Variants in ZNF107 observed in about 807,000 individuals in gnomAD.
ZNF107 encodes the protein zinc finger protein 107, also known as C2H2 type zinc-finger protein.
Under a neutral mutation model 12.3 loss-of-function variants are expected in ZNF107, and 19 were observed. That is an observed-to-expected ratio of 1.55 (90% confidence interval 1.08 to 2.27). The LOEUF (loss-of-function observed/expected upper bound fraction) is 2.27, where lower values mean the gene tolerates loss of function less well. Among genes scored for constraint, ZNF107 ranks in the 30% most tolerant of loss-of-function variants. The pLI, the probability that ZNF107 is intolerant of heterozygous loss-of-function variation, is 0.00. For synonymous variants in ZNF107, 317 were observed against 330.5 expected, an observed-to-expected ratio of 0.96 and a Z score of 0.44; for missense variants, 958 against 979.9, an observed-to-expected ratio of 0.98 and a Z score of 0.30.
chr7:64,704,589 A>G (rs1253541920), intron 3 of ZNF107, among the ~76,000 whole-genome samples: 3 of 152,154 alleles, frequency 2.0e-5, no homozygotes, highest in Non-Finnish European at 4.4e-5. Context: ...TTCTTGCATC[A>G]TGTTATTTTC....
Position 64,710,837 on chromosome 7 carries a change from C to T in ZNF107, c.*2181C>T, listed in dbSNP as rs1790864317. The T allele has an allele frequency of 6.6e-6, 1 of 152,040 alleles. No individual in the cohort carries two copies. Among genetic ancestry groups the T allele is most frequent in the African/African-American group, 2.4e-5 (1 of 41,410 alleles). The allele number at this position is 152,040 out of a possible 1,614,324, so 9.4% of individuals were successfully genotyped here. A position where few individuals can be genotyped will look rare whatever the true frequency, so the allele number is the denominator to read the frequency against. Reference sequence around the variant, plus strand: ...AAAATGTAAGATGCATGATGAAAACCTGAGTGAAGAGGCTGTTTGTGTTTA... The same window carrying T: ...AAAATGTAAGATGCATGATGAAAACTTGAGTGAAGAGGCTGTTTGTGTTTA... On this transcript the variant is annotated 3_prime_UTR_variant, in exon 4 of 4. Transcript: ENST00000620827.
chr7:64,689,411 G>T (rs901142432), intron 1 of ZNF107: 1 of 152,170 alleles, frequency 6.6e-6, no homozygotes, highest in African/African-American at 2.4e-5. Context: ...ATCTTGTTCA[G>T]TGACCTGCTA....
intron 1 of ZNF107, among the ~76,000 whole-genome samples, chr7:64,686,136 A>C (rs1789899968): frequency 6.6e-6 from 1 of 152,130 alleles, no homozygotes; most frequent in African/African-American, 2.4e-5. Context: ...AAGGTGGGCT[A>C]TGCACCTTTT....
chr7:64,679,912 G>T (rs1789586556), intron 1 of ZNF107, among the ~76,000 whole-genome samples: 2 of 152,086 alleles, frequency 1.3e-5, no homozygotes, highest in African/African-American at 4.8e-5. Flanking sequence ...AATGCAATTT[G>T]TCTCAAATTC....
rs1230531957 is a variant in ZNF107, at chr7:64,709,426, C to T, written c.*770C>T. The T allele has an allele frequency of 2.9e-6, 1 of 341,546 alleles. No homozygotes were observed. Among genetic ancestry groups the T allele is most frequent in the East Asian group, 8.3e-5 (1 of 11,978 alleles). The allele number at this position is 341,546 out of a possible 1,614,324, so 21.2% of individuals were successfully genotyped here. On this transcript the variant is annotated 3_prime_UTR_variant, in exon 4 of 4. Coordinates refer to ENST00000620827, the MANE Select transcript of ZNF107 (RefSeq NM_001282359.2). ...ACTTTAAACCAATCCTCAAACCTCA[C>T]TAAACATAAGATAATACTGAAAACT...
At chr7:64,677,182 T>TC (rs1239126963) in intron 1 of ZNF107, among the ~76,000 whole-genome samples, 1 of 151,948 alleles carries the variant, frequency 6.6e-6, no homozygotes, top group African/African-American at 2.4e-5. Context: ...TGGATTTTTT[T>TC]TTTTTTGAGA....
chr7:64,692,979 T>C (rs1323932011), intron 3 of ZNF107, among the ~76,000 whole-genome samples: 1 of 151,768 alleles, frequency 6.6e-6, no homozygotes, highest in Non-Finnish European at 1.5e-5. Flanking sequence ...TTCAGTGTTG[T>C]TTTATTTTAT....
intron 1 of ZNF107, among the ~76,000 whole-genome samples, chr7:64,673,273 A>C (rs1423760983): frequency 6.6e-6 from 1 of 152,092 alleles, no homozygotes; most frequent in Non-Finnish European, 1.5e-5. Flanking sequence ...CAAACTCCTG[A>C]CCTCGTGATC....
chr7:64,670,874 T>C (rs1294653020), intron 1 of ZNF107, among the ~76,000 whole-genome samples: 1 of 152,190 alleles, frequency 6.6e-6, no homozygotes, highest in African/African-American at 2.4e-5. Context: ...GAGGGAGTTA[T>C]GGGAATTCTA....
At chr7:64,682,971 G>T (rs892937794) in intron 1 of ZNF107, among the ~76,000 whole-genome samples, 3 of 151,986 alleles carry the variant, frequency 2.0e-5, no homozygotes, top group Non-Finnish European at 4.4e-5. Flanking sequence ...TGTTTTTCCA[G>T]TCCCAAACCC....
intron 1 of ZNF107, chr7:64,679,251 C>A: frequency 2.2e-5 from 22 of 985,074 alleles, no homozygotes; most frequent in Non-Finnish European, 2.7e-5. Flanking sequence ...CCCTTAACCC[C>A]TTCCCCCGAC....
At chr7:64,685,135 C>T (rs779322835) in intron 1 of ZNF107, among the ~76,000 whole-genome samples, 6 of 152,162 alleles carry the variant, frequency 3.9e-5, no homozygotes, top group South Asian at 2.1e-4. Context: ...TCAACTTTTA[C>T]GCTCCTACAT....
rs188335684 is a variant in ZNF107 at position 64,710,565 on chromosome 7, T to G, written c.*1909T>G. On this transcript the variant is annotated 3_prime_UTR_variant, in exon 4 of 4. Coordinates refer to ENST00000620827, the MANE Select transcript of ZNF107 (RefSeq NM_001282359.2). ...AACTAAAGTTGGTAGGTAAATAATGTGTATATAACTTTAAAAGAAGTAGAA... is the reference window on the plus strand; with the variant it reads ...AACTAAAGTTGGTAGGTAAATAATGGGTATATAACTTTAAAAGAAGTAGAA... 6 of 152,318 alleles carry G rather than the reference T, an allele frequency of 3.9e-5. No individual in the cohort carries two copies. Among genetic ancestry groups the G allele is most frequent in the Non-Finnish European group, 7.4e-5 (5 of 68,002 alleles). The allele number at this position is 152,318 out of a possible 1,614,324, so 9.4% of individuals were successfully genotyped here.
rs1445384576 is a variant in ZNF107 at position 64,710,259 on chromosome 7, G to A, written c.*1603G>A. The A allele has an allele frequency of 6.6e-6, 1 of 152,202 alleles. No individual in the cohort carries two copies. The highest frequency in any genetic ancestry group is 1.5e-5 in the Non-Finnish European group (1 of 68,056). 9.4% of individuals were successfully genotyped at this position (152,202 alleles called of 1,614,324 possible). A position where few individuals can be genotyped will look rare whatever the true frequency, so the allele number is the denominator to read the frequency against. ...TGCACTAGAGGAAAACCATGAAGCA[G>A]TTGCTCAAATGTTGTTCAACACCAG... On this transcript the variant is annotated 3_prime_UTR_variant, in exon 4 of 4. Coordinates refer to ENST00000620827, the MANE Select transcript of ZNF107 (RefSeq NM_001282359.2).
At chr7:64,700,929 TATTG>T (rs1433195867) in intron 3 of ZNF107, among the ~76,000 whole-genome samples, 1 of 152,196 alleles carries the variant, frequency 6.6e-6, no homozygotes, top group Non-Finnish European at 1.5e-5. Context: ...AGTTTGCTGT[TATTG>T]ATCTTTTATC....
chr7:64,686,291 A>G (rs781060705), intron 1 of ZNF107, among the ~76,000 whole-genome samples: 1 of 152,034 alleles, frequency 6.6e-6, no homozygotes, highest in Non-Finnish European at 1.5e-5. Context: ...GCTTCTCCCT[A>G]TAGCTGGGCC....
intron 1 of ZNF107, among the ~76,000 whole-genome samples, chr7:64,681,859 T>G (rs1053312862): frequency 7.2e-5 from 11 of 152,114 alleles, no homozygotes; most frequent in African/African-American, 2.7e-4. Flanking sequence ...TATACTCTCT[T>G]GTCCAGAATA....
chr7:64,667,951 C>CCAA, intron 1 of ZNF107, among the ~76,000 whole-genome samples: 1 of 138,900 alleles, frequency 7.2e-6, no homozygotes, highest in African/African-American at 2.7e-5. Flanking sequence ...TTCCAGAAGA[C>CCAA]AAAAAAAAAA....
chr7:64,701,287 T>C (rs1158723709), intron 3 of ZNF107, among the ~76,000 whole-genome samples: 2 of 150,930 alleles, frequency 1.3e-5, no homozygotes, highest in African/African-American at 4.9e-5. Flanking sequence ...ATGAGTTTCG[T>C]TTTTTTTTCT....
Sources: allele counts gnomAD v4.1 joint callset (sites outside exome capture counted in the v4.1 genomes callset), GRCh38; gene constraint gnomAD v4.1.1; transcripts MANE v1.5; gene names NCBI Gene and HGNC (gene_info 2026-07-23, HGNC 2026-07-21).